Variants in PCDHGA9 observed in about 807,000 individuals in gnomAD.
PCDHGA9 encodes the protein protocadherin gamma subfamily A, 9.
A neutral mutation model predicts 62.5 loss-of-function variants in PCDHGA9; 37 were observed. The observed-to-expected ratio is 0.59, with a 90% CI of 0.46 to 0.78. PCDHGA9 has a LOEUF of 0.78. Among genes scored for constraint, PCDHGA9 ranks in the 30% least tolerant of loss-of-function variants. PCDHGA9 has a pLI of 0.00. For missense variants in PCDHGA9, 1,138 were observed against 1,166.2 expected, an observed-to-expected ratio of 0.98 and a Z score of 0.35; for synonymous variants, 459 against 484.6, an observed-to-expected ratio of 0.95 and a Z score of 0.69.
chr5:141,487,013 C>T lies in PCDHGA9; in HGVS notation c.2425-7794C>T. ...GGTTTCCTATCAGCTCCTGGAGGCC[C>T]CAGATCCCAGCCTGTTTGCAGTCTC... On this transcript the variant is annotated intron_variant, in intron 1 of 3. Coordinates refer to ENST00000573521, the MANE Select transcript of PCDHGA9 (RefSeq NM_018921.3). The surrounding 1 kb of genome is among the most constrained non-coding windows in gnomAD (Gnocchi z 5.0). The T allele has an allele frequency of 1.2e-6, 2 of 1,614,220 alleles. No individual in the cohort carries two copies. Among genetic ancestry groups the T allele is most frequent in the Non-Finnish European group, 1.7e-6 (2 of 1,180,040 alleles).
chr5:141,502,615 A>G (rs2099815317), intron 2 of PCDHGA9, among the ~76,000 whole-genome samples: 1 of 152,218 alleles, frequency 6.6e-6, no homozygotes, highest in Non-Finnish European at 1.5e-5. Context: ...TTGTGAAAAT[A>G]TAAGTAATCT....
intron 1 of PCDHGA9, chr5:141,475,997 G>T: frequency 8.4e-7 from 1 of 1,184,406 alleles, no homozygotes; most frequent in Non-Finnish European, 1.2e-6. Flanking sequence ...CAAATCAACG[G>T]CATCCAGAAA....
At chr5:141,433,358 C>CCTGCCTAT (rs1554125966) in intron 1 of PCDHGA9, 1 of 498,106 alleles carries the variant, frequency 2.0e-6, no homozygotes, top group Non-Finnish European at 3.5e-6. Flanking sequence ...CTACTGTCTG[C>CCTGCCTAT]CTATCTATCT....
chr5:141,487,813 TG>T lies in PCDHGA9; in HGVS notation c.2425-6989del. 7.2e-7 allele frequency: 1 copy of T among 1,384,138 alleles called. No homozygotes were observed. 85.7% of individuals were successfully genotyped at this position (1,384,138 alleles called of 1,614,324 possible). A position where few individuals can be genotyped will look rare whatever the true frequency, so the allele number is the denominator to read the frequency against. On this transcript the variant is annotated intron_variant, in intron 1 of 3. Transcript: ENST00000573521. This position sits in a 1 kb window ranked among gnomAD's most constrained non-coding sequence, Gnocchi z 5.0. Reference sequence around the variant, plus strand: ...AACCAGAGTTGTCACAGTTTAGCATTGGGGGCGGGTCATGCCTATATCTGAG... The same window carrying T: ...AACCAGAGTTGTCACAGTTTAGCATTGGGGCGGGTCATGCCTATATCTGAG...
chr5:141,485,357 C>T lies in PCDHGA9; in HGVS notation c.2425-9450C>T. ...GCTGGATACGGACAGTCTGTCAGCT[C>T]GCAGGCTGCAGGTCGCTGGAGAGGT... On this transcript the variant is annotated intron_variant, in intron 1 of 3. Transcript: ENST00000573521. The surrounding 1 kb of genome is among the most constrained non-coding windows in gnomAD (Gnocchi z 5.7). 1.2e-6 allele frequency: 2 copies of T among 1,614,084 alleles called. No individual in the cohort carries two copies. The highest frequency in any genetic ancestry group is 1.1e-5 in the South Asian group (1 of 91,070).
chr5:141,407,345 T>C (rs1025383467), intron 1 of PCDHGA9, among the ~76,000 whole-genome samples: 2 of 152,188 alleles, frequency 1.3e-5, no homozygotes, highest in African/African-American at 4.8e-5. Flanking sequence ...TGTATGTTAA[T>C]TTGGGGAAAA....
chr5:141,431,460 A>T lies in PCDHGA9; in HGVS notation c.2424+26084A>T, dbSNP rs761879594. On this transcript the variant is annotated intron_variant, in intron 1 of 3. Transcript: ENST00000573521. This position sits in a 1 kb window ranked among gnomAD's most constrained non-coding sequence, Gnocchi z 4.8. The stretch of plus-strand genomic sequence containing the variant: ...GCGCGCATCCGCGTGATGGTTCTGG[A>T]TGCGAACGACAACGCACCAGCGTTT... The T allele has an allele frequency of 6.2e-7, 1 of 1,613,794 alleles. No individual in the cohort carries two copies. The highest frequency in any genetic ancestry group is 1.7e-5 in the Admixed American group (1 of 60,032).
intron 1 of PCDHGA9, chr5:141,423,057 T>C (rs1443300486): frequency 6.2e-7 from 1 of 1,614,060 alleles, no homozygotes; most frequent in Non-Finnish European, 8.5e-7. Flanking sequence ...ATCGCCTGCT[T>C]AAGGCCAGCG....
chr5:141,424,799 A>G (rs552155487), intron 1 of PCDHGA9: 90 of 152,274 alleles, frequency 5.9e-4, no homozygotes, highest in African/African-American at 2.1e-3. Context: ...ATTCAGACCA[A>G]CTTGTTATTG....
rs376527354 is a variant in PCDHGA9, at chr5:141,439,129, G to A, written c.2424+33753G>A. Among the ~76,000 whole-genome samples the A allele has an allele frequency of 7.3e-5, 11 of 151,064 alleles. No individual in the cohort carries two copies. The South Asian group carries it at 2.3e-3, about 32-fold the overall frequency. The stretch of plus-strand genomic sequence containing the variant: ...AATCACTTGAACCCGGGAGACAGAG[G>A]TTGCAGTGAGCTGAGATCACGCCAC... On this transcript the variant is annotated intron_variant, in intron 1 of 3. Coordinates refer to ENST00000573521, the MANE Select transcript of PCDHGA9 (RefSeq NM_018921.3).
intron 1 of PCDHGA9, chr5:141,409,541 G>T: frequency 6.2e-7 from 1 of 1,613,970 alleles, no homozygotes; most frequent in Non-Finnish European, 8.5e-7. Context: ...TGACATCAAC[G>T]ACAACGCCCC....
chr5:141,461,423 C>T lies in PCDHGA9; in HGVS notation c.2425-33384C>T, dbSNP rs1005977255. 3.9e-5 allele frequency among the ~76,000 whole-genome samples: 6 copies of T among 151,938 alleles called. No individual in the cohort carries two copies. In the South Asian group the frequency reaches 6.2e-4, roughly 16 times the overall value. On this transcript the variant is annotated intron_variant, in intron 1 of 3. Coordinates refer to ENST00000573521, the MANE Select transcript of PCDHGA9 (RefSeq NM_018921.3). ...AGCATTTTTTCATATGTTTGTGGGC[C>T]ATTTGTATACCTTCTTTTGAGAAAT... is the stretch of plus-strand genomic sequence containing the variant.
At chr5:141,409,776 T>C in intron 1 of PCDHGA9, 1 of 1,612,708 alleles carries the variant, frequency 6.2e-7, no homozygotes, top group Non-Finnish European at 8.5e-7. Context: ...CACGAGCAGC[T>C]GCGCGCCTTC....
rs1280619437 is a variant in PCDHGA9, at chr5:141,404,018, G to A, written c.1066G>A (p.Val356Met). The A allele has an allele frequency of 6.2e-7, 1 of 1,613,864 alleles. No individual in the cohort carries two copies. The highest frequency in any genetic ancestry group is 1.3e-5 in the African/African-American group (1 of 75,052). Residue 356 changes from valine to methionine, a missense_variant, in exon 1 of 4, where the codon GTG (valine) becomes ATG (methionine). Physicochemically the swap from Val to Met is conservative, Grantham distance 21. Coordinates refer to ENST00000573521, the MANE Select transcript of PCDHGA9 (RefSeq NM_018921.3). Reference protein sequence around the residue: ...EVTITSLFSPVREDAPQGTVI... With the variant: ...EVTITSLFSPMREDAPQGTVI... The stretch of plus-strand genomic sequence containing the variant: ...GACCATTACATCTCTGTTTAGCCCA[G>A]TGAGAGAAGACGCACCTCAGGGAAC...
chr5:141,421,912 A>G (rs1207036091), intron 1 of PCDHGA9: 2 of 1,613,696 alleles, frequency 1.2e-6, no homozygotes, highest in Admixed American at 1.7e-5. Context: ...CGCAGTTCCC[A>G]TTCGTGTGGT....
chr5:141,434,261 G>A (rs1269166732), intron 1 of PCDHGA9, among the ~76,000 whole-genome samples: 2 of 152,194 alleles, frequency 1.3e-5, no homozygotes. Context: ...TTGTGGGGGA[G>A]GTGGAAATTA....
intron 1 of PCDHGA9, among the ~76,000 whole-genome samples, chr5:141,454,266 C>T (rs2098785508): frequency 1.3e-5 from 2 of 152,132 alleles, no homozygotes; most frequent in African/African-American, 4.8e-5. Flanking sequence ...AAAGTAATGC[C>T]AGCAAAAACT....
intron 1 of PCDHGA9, among the ~76,000 whole-genome samples, chr5:141,460,183 CCA>C (rs561755067): frequency 7.2e-5 from 11 of 151,782 alleles, no homozygotes; most frequent in Non-Finnish European, 1.0e-4. Context: ...ATATTTTATC[CCA>C]GACTATGACT....
chr5:141,502,866 CTT>C (rs549047197), intron 2 of PCDHGA9, among the ~76,000 whole-genome samples: 3 of 127,996 alleles, frequency 2.3e-5, no homozygotes, highest in Admixed American at 8.6e-5. Flanking sequence ...GACTCTCTGT[CTT>C]TTTTTTTTTT....
Sources: gnomAD v4.1 joint callset for allele counts (sites outside exome capture counted in the v4.1 genomes callset) on GRCh38, gnomAD v4.1.1 for gene constraint, Gnocchi (gnomAD v3.1) non-coding constraint, MANE v1.5 for transcripts, NCBI Gene and HGNC (gene_info 2026-07-23, HGNC 2026-07-21) for gene names.